Variants in FAM156A observed in about 807,000 individuals in gnomAD.
FAM156A encodes the protein family with sequence similarity 156 member A.
chrX:52,974,882 G>A (rs5951162), intron 1 of FAM156A, among the ~76,000 whole-genome samples: 18,717 of 109,785 alleles, frequency 0.17, 1,243 homozygotes, highest in Middle Eastern at 0.24. Context: ...GACTATTATC[G>A]TCTTTGCTTT....
chrX:52,994,870 C>G (rs782536655), intron 1 of FAM156A, among the ~76,000 whole-genome samples: 1 of 111,058 alleles, frequency 9.0e-6, no homozygotes, highest in African/African-American at 3.3e-5. Context: ...GTCGCAGCTA[C>G]TCGGGAGGCT....
intron 1 of FAM156A, among the ~76,000 whole-genome samples, chrX:52,992,562 G>A (rs782275571): frequency 2.7e-5 from 3 of 110,666 alleles, no homozygotes; most frequent in South Asian, 3.9e-4. Context: ...GGACACTCAC[G>A]CGACTCCCAC....
intron 1 of FAM156A, among the ~76,000 whole-genome samples, chrX:52,990,302 C>T (rs1329376662): frequency 8.9e-6 from 1 of 111,925 alleles, no homozygotes; most frequent in Non-Finnish European, 1.9e-5. Flanking sequence ...GGACCACAGG[C>T]TTCAGTCAGG....
chrX:52,974,732 C>G (rs1205135404), intron 1 of FAM156A, among the ~76,000 whole-genome samples: 2 of 111,076 alleles, frequency 1.8e-5, no homozygotes, highest in African/African-American at 6.6e-5. Context: ...CCACAGACAT[C>G]TAGGTGTCAA....
chrX:52,979,534 C>T (rs1556792982), intron 1 of FAM156A, among the ~76,000 whole-genome samples: 1 of 111,261 alleles, frequency 9.0e-6, no homozygotes, highest in Non-Finnish European at 1.9e-5. Flanking sequence ...CTGTCCTTCT[C>T]CTTCTCCCAC....
chrX:52,984,959 A>G (rs1930170455), intron 1 of FAM156A, among the ~76,000 whole-genome samples: 1 of 111,340 alleles, frequency 9.0e-6, no homozygotes. Flanking sequence ...ATAGTTGGAG[A>G]TTTCAATTCT....
intron 1 of FAM156A, among the ~76,000 whole-genome samples, chrX:52,993,408 C>CTTTT (rs147840894): frequency 3.3e-4 from 14 of 42,588 alleles, no homozygotes; most frequent in African/African-American, 1.2e-3. Flanking sequence ...TCTTAACTTT[C>CTTTT]TTTTTTTTTT....
chrX:52,994,490 A>G (rs1041157484), intron 1 of FAM156A, among the ~76,000 whole-genome samples: 1 of 111,385 alleles, frequency 9.0e-6, no homozygotes, highest in Non-Finnish European at 1.9e-5. Flanking sequence ...TTCTGGGCAG[A>G]GACCCCTCCC....
At chrX:52,975,055 C>CAT (rs1228214341) in intron 1 of FAM156A, among the ~76,000 whole-genome samples, 1 of 70,815 alleles carries the variant, frequency 1.4e-5, no homozygotes, top group East Asian at 3.4e-4. Context: ...AACACATACA[C>CAT]ACACACACAC....
intron 1 of FAM156A, among the ~76,000 whole-genome samples, chrX:52,982,440 T>C (rs1359502478): frequency 9.0e-6 from 1 of 111,703 alleles, no homozygotes; most frequent in Non-Finnish European, 1.9e-5. Flanking sequence ...GGTGATAGAG[T>C]GAGACTCCAT....
rs782121242 is a variant in FAM156A at position 52,991,410 on chromosome X, C to G, written c.-434+3896G>C. ...CGCCTTCTTGTTGTACCTGTGCCCT[C>G]GAGGGATCGGACAATGCCCACCCAC... On this transcript the variant is annotated intron_variant, in intron 1 of 4. Transcript: ENST00000610625. Among the ~76,000 whole-genome samples, 7 of 111,260 alleles carry G rather than the reference C, an allele frequency of 6.3e-5. No homozygotes were observed. In the South Asian group the frequency reaches 2.3e-3, roughly 37 times the overall value.
At position 52,981,293 on chromosome X, in the gene FAM156A, T is replaced by C. The variant is rs188792861; in HGVS notation, c.-434+14013A>G. On this transcript the variant is annotated intron_variant, in intron 1 of 4. Coordinates refer to the FAM156A transcript ENST00000610625. Reference sequence around the variant, plus strand: ...TAACTAAGATTGTGTATGAACCTTTTTTTGTCCAGCCCAAGTCTCCATTTC... The same window carrying C: ...TAACTAAGATTGTGTATGAACCTTTCTTTGTCCAGCCCAAGTCTCCATTTC... 9.2e-4 allele frequency among the ~76,000 whole-genome samples: 102 copies of C among 111,235 alleles called. 1 individual carries two copies. Among genetic ancestry groups the C allele is most frequent in the Non-Finnish European group, 1.4e-3 (73 of 52,972 alleles).
intron 1 of FAM156A, among the ~76,000 whole-genome samples, chrX:52,973,231 A>T (rs1383478999): frequency 2.0e-4 from 16 of 81,686 alleles, no homozygotes; most frequent in South Asian, 1.9e-3. Context: ...TTAAAAAATT[A>T]AAAAAAAATA....
At chrX:52,989,319 T>A in intron 1 of FAM156A, among the ~76,000 whole-genome samples, 1 of 111,989 alleles carries the variant, frequency 8.9e-6, no homozygotes, top group Non-Finnish European at 1.9e-5. Context: ...CTCGCCTGAC[T>A]GTCCTGAGCA....
intron 1 of FAM156A, among the ~76,000 whole-genome samples, chrX:52,992,325 T>C (rs1012425202): frequency 3.0e-4 from 34 of 111,955 alleles, no homozygotes; most frequent in African/African-American, 6.2e-4. Context: ...AGATCCTGTC[T>C]ATCCCCTGAG....
intron 1 of FAM156A, among the ~76,000 whole-genome samples, chrX:52,974,786 G>T (rs781962517): frequency 9.0e-6 from 1 of 110,831 alleles, no homozygotes; most frequent in South Asian, 3.9e-4. Context: ...CCTTGGTCAG[G>T]TCACAGTGCT....
intron 1 of FAM156A, among the ~76,000 whole-genome samples, chrX:52,991,386 G>T (rs973485654): frequency 6.3e-5 from 7 of 111,070 alleles, no homozygotes; most frequent in Admixed American, 2.9e-4. Flanking sequence ...CCTTTCCTCC[G>T]CCTTCTTGTT....
chrX:52,974,657 T>C (rs1430368456), intron 1 of FAM156A, among the ~76,000 whole-genome samples: 3 of 110,797 alleles, frequency 2.7e-5, no homozygotes, highest in Non-Finnish European at 5.7e-5. Flanking sequence ...GGGGCATGAA[T>C]CTCAAGCTTC....
intron 1 of FAM156A, among the ~76,000 whole-genome samples, chrX:52,991,188 T>C (rs4986586): frequency 0.17 from 18,925 of 110,875 alleles, 1,239 homozygotes; most frequent in Middle Eastern, 0.24. Flanking sequence ...TGAGAAGTCC[T>C]GCCATCTCCA....
Sources: gnomAD v4.1 joint callset for allele counts (sites outside exome capture counted in the v4.1 genomes callset) on GRCh38, gnomAD v4.1.1 for gene constraint, MANE v1.5 for transcripts, NCBI Gene and HGNC (gene_info 2026-07-23, HGNC 2026-07-21) for gene names.